MGA: variants seen among roughly 807,000 people sequenced by gnomAD.
The protein encoded by MGA is MAX gene-associated protein.
MGA carries 40 observed loss-of-function variants against 261.1 expected under a neutral mutation model. The observed-to-expected ratio is 0.15, with a 90% CI of 0.12 to 0.20. The LOEUF (loss-of-function observed/expected upper bound fraction) is 0.20. MGA is among the 10% of genes least tolerant of loss of function. The probability of loss-of-function intolerance (pLI) is 1.00; values close to 1 mark genes in which losing one functional copy is unlikely to be tolerated. For synonymous variants in MGA, 1,302 were observed against 1,290.6 expected (o/e 1.01, Z -0.19); for missense variants, 3,397 against 3,630.5 (o/e 0.94, Z 1.65).
intron 9 of MGA, among the ~76,000 whole-genome samples, chr15:41,716,421 TC>T (rs1389534465): frequency 6.6e-6 from 1 of 151,792 alleles, no homozygotes; most frequent in Non-Finnish European, 1.5e-5. Context: ...GCCACTGCAC[TC>T]CAGCCTGGGC....
intron 1 of MGA, among the ~76,000 whole-genome samples, chr15:41,625,546 T>C (rs550228727): frequency 6.6e-6 from 1 of 151,556 alleles, no homozygotes; most frequent in East Asian, 2.0e-4. Context: ...AAACCTTGTC[T>C]CTACGAGAAA....
intron 1 of MGA, among the ~76,000 whole-genome samples, chr15:41,622,825 A>G (rs568896236): frequency 9.2e-5 from 14 of 152,348 alleles, no homozygotes; most frequent in African/African-American, 3.4e-4. Context: ...GGGTCAAGCC[A>G]TTGGTGAAGA....
At chr15:41,652,178 T>C (rs1254676269) in intron 1 of MGA, among the ~76,000 whole-genome samples, 1 of 150,376 alleles carries the variant, frequency 6.6e-6, no homozygotes, top group Non-Finnish European at 1.5e-5. Flanking sequence ...GTTTCATGTG[T>C]TAGCCAGGAT....
At chr15:41,690,447 C>G (rs1221445595) in intron 2 of MGA, among the ~76,000 whole-genome samples, 1 of 152,108 alleles carries the variant, frequency 6.6e-6, no homozygotes, top group Non-Finnish European at 1.5e-5. Context: ...CCATTCTTTC[C>G]TCTCTTGAAT....
chr15:41,635,369 A>G (rs2056678443), intron 1 of MGA, among the ~76,000 whole-genome samples: 1 of 150,344 alleles, frequency 6.7e-6, no homozygotes. Context: ...TTGAAATTAA[A>G]GTGCGGAGAT....
At chr15:41,722,149 A>G (rs1162574471) in intron 9 of MGA, among the ~76,000 whole-genome samples, 302 of 69,104 alleles carry the variant, frequency 4.4e-3, no homozygotes, top group African/African-American at 0.017. Flanking sequence ...TTTTTTTTTG[A>G]GACGGAGTCT....
chr15:41,640,157 T>C (rs1416111930), intron 1 of MGA, among the ~76,000 whole-genome samples: 1 of 152,138 alleles, frequency 6.6e-6, no homozygotes, highest in Non-Finnish European at 1.5e-5. Flanking sequence ...CTGGTGAATT[T>C]ATGGACTACG....
chr15:41,657,607 C>T (rs929461754), upstream of MGA, among the ~76,000 whole-genome samples: 4 of 151,750 alleles, frequency 2.6e-5, no homozygotes, highest in Non-Finnish European at 4.4e-5. Context: ...CTGCCTGCCT[C>T]GGACTCCCAA....
At position 41,627,910 on chromosome 15, in the gene MGA, A is replaced by G. The variant is rs116573591; in HGVS notation, c.-68+6612A>G. Among the ~76,000 whole-genome samples, 810 of 152,368 alleles carry G rather than the reference A, an allele frequency of 5.3e-3. 9 individuals are homozygous for G. The highest frequency in any genetic ancestry group is 0.019 in the African/African-American group (782 of 41,586). ...GAATTATTCAATTATTCATAGTAGGATGAAAATACAAATCGGATAGTTGAG... is the reference window on the plus strand; with the variant it reads ...GAATTATTCAATTATTCATAGTAGGGTGAAAATACAAATCGGATAGTTGAG... On this transcript the variant is annotated intron_variant, in intron 1 of 8. Transcript: ENST00000566718.
intron 1 of MGA, among the ~76,000 whole-genome samples, chr15:41,635,767 C>T (rs2056690864): frequency 6.6e-6 from 1 of 152,086 alleles, no homozygotes; most frequent in Non-Finnish European, 1.5e-5. Context: ...ATATTTTGGT[C>T]AATGATGGAC....
chr15:41,755,816 C>T (rs1413903793), intron 18 of MGA, among the ~76,000 whole-genome samples: 2 of 152,142 alleles, frequency 1.3e-5, no homozygotes, highest in East Asian at 1.9e-4. Flanking sequence ...TTCAGGAGTT[C>T]AAGACCAGGC....
chr15:41,652,786 T>TTTTCC (rs994916159), intron 1 of MGA, among the ~76,000 whole-genome samples: 16 of 152,058 alleles, frequency 1.1e-4, no homozygotes, highest in African/African-American at 3.4e-4. Flanking sequence ...TATTTATTCA[T>TTTTCC]TTTCCCCAGG....
Position 41,749,587 on chromosome 15 carries a change from C to T in MGA, c.5980C>T (p.Leu1994=), listed in dbSNP as rs2062716888. The T allele has an allele frequency of 6.2e-7, 1 of 1,613,888 alleles. No homozygotes were observed. The highest frequency in any genetic ancestry group is 8.5e-7 in the Non-Finnish European group (1 of 1,179,876). Residue 1994 remains leucine, a synonymous_variant, in exon 17 of 24, where the codon CTA becomes TTA. Transcript: ENST00000219905. Reference sequence around the variant, plus strand: ...AAGAGAGCAAGAAACGAAGAAGGTTCTACAGTCAGAAGGAGAGGCTGTAGA... The same window carrying T: ...AAGAGAGCAAGAAACGAAGAAGGTTTTACAGTCAGAAGGAGAGGCTGTAGA...
chr15:41,688,445 A>G (rs1422221703), intron 2 of MGA, among the ~76,000 whole-genome samples: 2 of 152,094 alleles, frequency 1.3e-5, no homozygotes, highest in South Asian at 2.1e-4. Context: ...AAGTTTTTGC[A>G]TGGTTTATCT....
intron 15 of MGA, among the ~76,000 whole-genome samples, chr15:41,744,048 G>T (rs986560050): frequency 6.6e-6 from 1 of 152,086 alleles, no homozygotes. Flanking sequence ...TTCTGTCTTG[G>T]TTATTGATGT....
chr15:41,684,040 G>A (rs566780487), intron 2 of MGA, among the ~76,000 whole-genome samples: 1 of 152,154 alleles, frequency 6.6e-6, no homozygotes, highest in South Asian at 2.1e-4. Flanking sequence ...GGTTCTTCCT[G>A]TGTGCACCCT....
chr15:41,709,320 C>G (rs979740899), intron 7 of MGA, among the ~76,000 whole-genome samples: 1 of 152,020 alleles, frequency 6.6e-6, no homozygotes, highest in African/African-American at 2.4e-5. Flanking sequence ...TGCACTCCAG[C>G]CGGAGTGACA....
chr15:41,728,562 A>C (rs969221401), intron 10 of MGA, among the ~76,000 whole-genome samples: 1 of 152,214 alleles, frequency 6.6e-6, no homozygotes, highest in African/African-American at 2.4e-5. Context: ...TACTAAGAAA[A>C]TAATAAGGGA....
rs564302260 is a variant in MGA at position 41,729,783 on chromosome 15, T to C, written c.3843+434T>C. 1.6e-4 allele frequency among the ~76,000 whole-genome samples: 24 copies of C among 152,280 alleles called. No homozygotes were observed. In the South Asian group the frequency reaches 4.8e-3, roughly 30 times the overall value. ...GTGGAGGTTGGAGGTTGCAGTGAGC[T>C]GCTATCATGCCACTTTACTCCAGCC... On this transcript the variant is annotated intron_variant, in intron 11 of 23. Transcript: ENST00000219905.
Sources: allele counts gnomAD v4.1 joint callset (sites outside exome capture counted in the v4.1 genomes callset), GRCh38; gene constraint gnomAD v4.1.1; transcripts MANE v1.5; gene names NCBI Gene and HGNC (gene_info 2026-07-23, HGNC 2026-07-21).